S100A5: variants seen among roughly 807,000 people sequenced by gnomAD.
S100A5 encodes the protein S100 calcium binding protein A5, also known as protein S100-A5.
S100A5 carries 5 observed loss-of-function variants against 6.7 expected under a neutral mutation model. The observed-to-expected ratio is 0.75, with a 90% confidence interval of 0.39 to 1.57. The LOEUF is 1.57. S100A5 is among the 40% of genes most tolerant of loss of function. The pLI is 0.03. For synonymous variants in S100A5, 49 were observed against 44.9 expected (o/e 1.09, Z -0.37); for missense variants, 129 against 110.8 (o/e 1.16, Z -0.74).
At chr1:153,539,477 T>A (rs6427078) in intron 2 of S100A5, among the ~76,000 whole-genome samples, 4,060 of 69,580 alleles carry the variant, frequency 0.058, 121 homozygotes, top group Non-Finnish European at 0.082. Context: ...ATATATATAT[T>A]TATTTATTTA....
intron 1 of S100A5, 23 bp downstream of exon 1, chr1:153,540,598 C>CT: frequency 5.6e-6 from 1 of 178,440 alleles, no homozygotes; most frequent in Non-Finnish European, 1.2e-5. Flanking sequence ...GTTCACCAGC[C>CT]TTTCCCCCAG....
chr1:153,539,499 G>C (rs1316972567), intron 2 of S100A5, among the ~76,000 whole-genome samples: 2 of 135,856 alleles, frequency 1.5e-5, no homozygotes, highest in African/African-American at 3.0e-5. Flanking sequence ...TTATCCTCGG[G>C]GATATTGTAT....
upstream of S100A5, chr1:153,543,142 T>C (rs1313136703): frequency 6.0e-6 from 5 of 827,406 alleles, no homozygotes; most frequent in African/African-American, 3.7e-5. Context: ...GCCTGGACTG[T>C]CAACGTCAGC....
upstream of S100A5, chr1:153,541,691 C>G (rs1262440888): frequency 5.2e-6 from 6 of 1,144,626 alleles, no homozygotes; most frequent in Non-Finnish European, 6.5e-6. Flanking sequence ...AACTCAAAAT[C>G]TGAAATCTGA....
At chr1:153,540,331 C>G in intron 1 of S100A5, 126 bp from the exon 2 acceptor site, 1 of 883,868 alleles carries the variant, frequency 1.1e-6, no homozygotes, top group Non-Finnish European at 1.7e-6. Context: ...AATCCACTAA[C>G]AAGAGCGCCC....
chr1:153,543,336 G>C (rs762685224), upstream of S100A5: 254 of 976,538 alleles, frequency 2.6e-4, 2 homozygotes, highest in Middle Eastern at 3.2e-3. Flanking sequence ...GGCAAGGTTG[G>C]AGAGAGGTGG....
intron 2 of S100A5, among the ~76,000 whole-genome samples, chr1:153,538,103 C>G (rs566240211): frequency 2.6e-4 from 40 of 152,228 alleles, no homozygotes; most frequent in Non-Finnish European, 4.3e-4. Flanking sequence ...ATCCAAGTCT[C>G]TGAGTGACTC....
At position 153,537,260 on chromosome 1, in the gene S100A5, C is replaced by A; in HGVS notation, c.*36G>T. The A allele has an allele frequency of 4.4e-6, 7 of 1,598,660 alleles. No individual in the cohort carries two copies. Among genetic ancestry groups the A allele is most frequent in the Non-Finnish European group, 6.0e-6 (7 of 1,167,976 alleles). On this transcript the variant is annotated 3_prime_UTR_variant, in exon 3 of 3. Transcript: ENST00000368717. ...TGAGAGGAGCAGCCGAGGTCAGCAGCAAAGGGTGGAGGGTGAGGGTGGAGG... is the reference window on the plus strand; with the variant it reads ...TGAGAGGAGCAGCCGAGGTCAGCAGAAAAGGGTGGAGGGTGAGGGTGGAGG...
intron 1 of S100A5, 58 bp from the exon 2 acceptor site, chr1:153,540,263 C>G: frequency 6.3e-7 from 1 of 1,578,990 alleles, no homozygotes; most frequent in Non-Finnish European, 8.7e-7. Context: ...GCAGCACTAG[C>G]CTACCTCTGA....
chr1:153,539,469 ATATATATT>A lies in S100A5; in HGVS notation c.138+577_138+584del, dbSNP rs1328731698. Among the ~76,000 whole-genome samples the A allele has an allele frequency of 6.7e-3, 828 of 122,948 alleles. 33 individuals carry two copies. Among genetic ancestry groups the A allele is most frequent in the African/African-American group, 0.03 (804 of 26,736 alleles). The allele number at this position is 122,948 out of a possible 152,430, so 80.7% of individuals were successfully genotyped here. A position where few individuals can be genotyped will look rare whatever the true frequency, so the allele number is the denominator to read the frequency against. On this transcript the variant is annotated intron_variant, in intron 2 of 2. Coordinates refer to ENST00000368717, the MANE Select transcript of S100A5 (RefSeq NM_001394232.1). The stretch of plus-strand genomic sequence containing the variant: ...AAAAAAAATATATATATATATATAT[ATATATATT>A]TATTTATTTATTTATCCTCGGGGAT...
In S100A5 at chr1:153,537,273, G is replaced by T; in HGVS notation, c.*23C>A. The T allele has an allele frequency of 1.9e-6, 3 of 1,606,640 alleles. No homozygotes were observed. Among genetic ancestry groups the T allele is most frequent in the Non-Finnish European group, 2.6e-6 (3 of 1,173,996 alleles). ...CGAGGTCAGCAGCAAAGGGTGGAGG[G>T]TGAGGGTGGAGGGCAGCCCTGGTCA... is the stretch of plus-strand genomic sequence containing the variant. On this transcript the variant is annotated 3_prime_UTR_variant, in exon 3 of 3. Transcript: ENST00000368717.
At chr1:153,543,117 G>A, upstream of S100A5, 1 of 544,928 alleles carries the variant, frequency 1.8e-6, no homozygotes, top group Non-Finnish European at 2.3e-6. Flanking sequence ...ATCTGGAAGT[G>A]GGTGGCAGGA....
intron 2 of S100A5, among the ~76,000 whole-genome samples, chr1:153,538,575 G>A (rs1665266936): frequency 7.9e-5 from 12 of 152,166 alleles, no homozygotes. Flanking sequence ...CAGGCAGCCT[G>A]GCAGAAGGCC....
intron 2 of S100A5, 80 bp downstream of exon 2, chr1:153,539,974 G>A: frequency 6.5e-7 from 1 of 1,550,248 alleles, no homozygotes; most frequent in South Asian, 1.2e-5. Context: ...GCTTAGGCTG[G>A]AGGATCCTGA....
rs1665334877 is a variant in S100A5 at position 153,540,090 on chromosome 1, G to A, written c.102C>T (p.Leu34=). ...ACAGCTCTTTCTTGATCAGCTCCTT[G>A]AGTTCCTTCCTACTCAGGGTCAGTT... ...GSKLTLSRKE[L]KELIKKELCL... Residue 34 remains leucine, a synonymous_variant, in exon 2 of 3, where the codon CTC becomes CTT. Transcript: ENST00000368717. 6.2e-7 allele frequency: 1 copy of A among 1,613,982 alleles called. No individual in the cohort carries two copies. The highest frequency in any genetic ancestry group is 1.3e-5 in the African/African-American group (1 of 74,878).
At chr1:153,541,201 C>A (rs1665373836), upstream of S100A5, among the ~76,000 whole-genome samples, 1 of 152,152 alleles carries the variant, frequency 6.6e-6, no homozygotes, top group Non-Finnish European at 1.5e-5. Flanking sequence ...TAGTCCAGAC[C>A]CCCACCTCCA....
intron 2 of S100A5, among the ~76,000 whole-genome samples, chr1:153,539,450 A>AAAAAAATATATATAT (rs1553214691): frequency 6.4e-5 from 2 of 31,192 alleles, no homozygotes; most frequent in African/African-American, 2.2e-4. Context: ...AAAAAAAAAA[A>AAAAAAATATATATAT]ATATATATAT....
At chr1:153,540,418 C>T (rs1237511007) in intron 1 of S100A5, among the ~76,000 whole-genome samples, 3 of 152,152 alleles carry the variant, frequency 2.0e-5, no homozygotes, top group East Asian at 1.9e-4. Context: ...AGCAAGACCC[C>T]AAAGGAGACC....
At chr1:153,541,463 T>G (rs1227514965), upstream of S100A5, 1 of 1,367,526 alleles carries the variant, frequency 7.3e-7, no homozygotes. Context: ...ATTTCCCTGA[T>G]CTCTGTCCCT....
Sources: gnomAD v4.1 joint callset for allele counts (sites outside exome capture counted in the v4.1 genomes callset) on GRCh38, gnomAD v4.1.1 for gene constraint, MANE v1.5 for transcripts, NCBI Gene and HGNC (gene_info 2026-07-23, HGNC 2026-07-21) for gene names.